The following PCDH11X variants were observed in gnomAD, a reference collection of about 807,000 sequenced individuals.
The protein encoded by PCDH11X is protocadherin 11 X-linked.
In PCDH11X, 18 loss-of-function variants were observed where a neutral mutation model predicts 53.3. The ratio of observed to expected loss-of-function variants is 0.34; its 90% CI spans 0.23 to 0.50. The LOEUF is 0.50. Among genes scored for constraint, PCDH11X ranks in the 20% least tolerant of loss-of-function variants. The probability of loss-of-function intolerance (pLI) is 0.98; values close to 1 mark genes in which losing one functional copy is unlikely to be tolerated. For missense variants in PCDH11X, 570 were observed against 1,032.4 expected (o/e 0.55, Z 6.14); for synonymous variants, 279 against 393.3 (o/e 0.71, Z 3.44).
intron 6 of PCDH11X, among the ~76,000 whole-genome samples, chrX:92,194,411 A>G (rs2066255586): frequency 9.0e-6 from 1 of 111,513 alleles, no homozygotes; most frequent in Non-Finnish European, 1.9e-5. Context: ...CTTCCACTGA[A>G]TATTTGAAGC....
chrX:92,502,272 AT>A (rs2073973498), intron 10 of PCDH11X, among the ~76,000 whole-genome samples: 1 of 110,579 alleles, frequency 9.0e-6, no homozygotes, highest in Non-Finnish European at 1.9e-5. Flanking sequence ...AAGAATCACT[AT>A]TGTAAAAATG....
chrX:92,364,896 A>G (rs1396613729), intron 8 of PCDH11X, among the ~76,000 whole-genome samples: 3 of 84,310 alleles, frequency 3.6e-5, no homozygotes, highest in Admixed American at 2.9e-4. Context: ...CCTGGGAAAC[A>G]TAAGAAGACC....
intron 10 of PCDH11X, among the ~76,000 whole-genome samples, chrX:92,585,527 A>C (rs1238068762): frequency 3.7e-5 from 4 of 108,502 alleles, no homozygotes; most frequent in Non-Finnish European, 7.7e-5. Context: ...CCCACCACCA[A>C]GCCTAGCTAA....
intron 10 of PCDH11X, among the ~76,000 whole-genome samples, chrX:92,574,130 AAC>A: frequency 1.1e-5 from 1 of 87,773 alleles, no homozygotes; most frequent in Middle Eastern, 5.6e-3. Context: ...TTCTTTGGAA[AAC>A]AGTTTCACTT....
chrX:92,547,504 C>T (rs969837108), intron 10 of PCDH11X, among the ~76,000 whole-genome samples: 12 of 109,328 alleles, frequency 1.1e-4, no homozygotes, highest in African/African-American at 4.0e-4. Flanking sequence ...TCTCTCTCTT[C>T]CTTCCTCCCT....
intron 6 of PCDH11X, among the ~76,000 whole-genome samples, chrX:92,159,644 C>CA (rs2065602125): frequency 1.0e-5 from 1 of 100,222 alleles, no homozygotes; most frequent in South Asian, 4.8e-4. Flanking sequence ...TTAAGAGTGT[C>CA]AAAAACCAAA....
chrX:92,273,199 TA>T (rs1220196975), intron 8 of PCDH11X, among the ~76,000 whole-genome samples: 1 of 108,922 alleles, frequency 9.2e-6, no homozygotes, highest in Non-Finnish European at 1.9e-5. Context: ...TGAAGGGAGA[TA>T]GGGGTGGGGC....
intron 6 of PCDH11X, among the ~76,000 whole-genome samples, chrX:91,901,586 G>T (rs1198076997): frequency 9.0e-6 from 1 of 110,651 alleles, no homozygotes; most frequent in Admixed American, 9.7e-5. Context: ...TAAGGGGGAT[G>T]TTTATAATAA....
At chrX:92,026,415 G>GAA (rs200795708) in intron 6 of PCDH11X, among the ~76,000 whole-genome samples, 2 of 103,755 alleles carry the variant, frequency 1.9e-5, no homozygotes, top group Admixed American at 2.1e-4. Flanking sequence ...CCTTTTTACA[G>GAA]AAAAAAAAAA....
intron 3 of PCDH11X, among the ~76,000 whole-genome samples, 198 bp downstream of exon 3, chrX:91,810,776 G>C (rs1443745814): frequency 8.9e-6 from 1 of 111,898 alleles, no homozygotes; most frequent in Non-Finnish European, 1.9e-5. Flanking sequence ...ATTTTCCTCA[G>C]TCAGGAAATA....
intron 9 of PCDH11X, among the ~76,000 whole-genome samples, chrX:92,392,576 T>C (rs912467129): frequency 9.1e-6 from 1 of 110,271 alleles, no homozygotes; most frequent in African/African-American, 3.3e-5. Flanking sequence ...GCTAAGAGTA[T>C]TGACATGAAT....
intron 6 of PCDH11X, among the ~76,000 whole-genome samples, chrX:92,163,329 C>T (rs775393462): frequency 9.2e-6 from 1 of 109,231 alleles, no homozygotes; most frequent in Non-Finnish European, 1.9e-5. Context: ...ACCAGATTCA[C>T]GCCCTACCCT....
intron 6 of PCDH11X, among the ~76,000 whole-genome samples, chrX:92,084,855 G>A (rs1224762237): frequency 9.0e-6 from 1 of 110,628 alleles, no homozygotes; most frequent in Non-Finnish European, 1.9e-5. Context: ...AATGATCTTA[G>A]GCTACTTTCA....
chrX:91,942,190 C>A (rs2525394), intron 6 of PCDH11X, among the ~76,000 whole-genome samples: 48,592 of 107,589 alleles, frequency 0.45, 8,151 homozygotes, highest in East Asian at 0.65. Flanking sequence ...AAGGAATCAC[C>A]CGCAAAAACA....
intron 6 of PCDH11X, among the ~76,000 whole-genome samples, chrX:92,156,451 A>G (rs962423741): frequency 8.9e-6 from 1 of 111,745 alleles, no homozygotes; most frequent in African/African-American, 3.3e-5. Context: ...AATTGCAACT[A>G]TACTCCCACA....
At chrX:91,790,663 T>C (rs907592633) in intron 1 of PCDH11X, among the ~76,000 whole-genome samples, 1 of 111,510 alleles carries the variant, frequency 9.0e-6, no homozygotes, top group Non-Finnish European at 1.9e-5. Context: ...GACACCATGC[T>C]AACCACTTTC....
chrX:92,565,212 G>A (rs1371908090), intron 10 of PCDH11X, among the ~76,000 whole-genome samples: 1 of 88,584 alleles, frequency 1.1e-5, no homozygotes, highest in Non-Finnish European at 2.3e-5. Flanking sequence ...GTGCTTTGGA[G>A]GTTCCTCAAA....
rs7062241 is a variant in PCDH11X, at chrX:92,301,992, G to C, written c.3144+38849G>C. 3.0e-3 allele frequency among the ~76,000 whole-genome samples: 329 copies of C among 111,466 alleles called. 1 individual carries two copies. The highest frequency in any genetic ancestry group is 1.0e-2 in the African/African-American group (306 of 30,601). ...AAAGTGGTCAGTGGTAGTAGCTTCAGCCATTCTTTGGCCATGAAACTACTG... is the reference window on the plus strand; with the variant it reads ...AAAGTGGTCAGTGGTAGTAGCTTCACCCATTCTTTGGCCATGAAACTACTG... On this transcript the variant is annotated intron_variant, in intron 8 of 10. Coordinates refer to ENST00000682573, the MANE Select transcript of PCDH11X (RefSeq NM_032968.5).
chrX:91,966,549 G>A (rs911625028), intron 6 of PCDH11X, among the ~76,000 whole-genome samples: 2 of 109,704 alleles, frequency 1.8e-5, no homozygotes, highest in Non-Finnish European at 3.8e-5. Flanking sequence ...TAATGTAAAT[G>A]ACGAGTTGAT....
Sources: allele counts gnomAD v4.1 joint callset (sites outside exome capture counted in the v4.1 genomes callset), GRCh38; gene constraint gnomAD v4.1.1; transcripts MANE v1.5; gene names NCBI Gene and HGNC (gene_info 2026-07-23, HGNC 2026-07-21).